ZBTB46: variants seen among roughly 807,000 people sequenced by gnomAD.
ZBTB46 encodes zinc finger and BTB domain containing 46, also known as zinc finger and BTB domain-containing protein 46.
Under a neutral mutation model 44.1 loss-of-function variants are expected in ZBTB46, and 8 were observed. The ratio of observed to expected loss-of-function variants is 0.18; its 90% CI spans 0.11 to 0.33. ZBTB46 has a LOEUF of 0.33. Among genes scored for constraint, ZBTB46 ranks in the 10% least tolerant of loss-of-function variants. The probability of loss-of-function intolerance (pLI) is 1.00; values close to 1 mark genes in which losing one functional copy is unlikely to be tolerated. For missense variants in ZBTB46, 651 were observed against 847.7 expected, an observed-to-expected ratio of 0.77 and a Z score of 2.88; for synonymous variants, 409 against 382.3, an observed-to-expected ratio of 1.07 and a Z score of -0.81.
At chr20:63,776,008 A>C (rs1279545114) in intron 2 of ZBTB46, 46 bp from the exon 3 acceptor site, 5 of 1,498,544 alleles carry the variant, frequency 3.3e-6, no homozygotes, top group Middle Eastern at 1.8e-4. Flanking sequence ...TCGTTCCCAG[A>C]CTCTCCAAGT....
intron 1 of ZBTB46, among the ~76,000 whole-genome samples, chr20:63,821,843 C>T (rs1426418447): frequency 6.6e-6 from 1 of 152,146 alleles, no homozygotes; most frequent in Non-Finnish European, 1.5e-5. Context: ...AAAAAAACAA[C>T]AGCCACTGTT....
chr20:63,755,186 T>C (rs2092208532), intron 3 of ZBTB46, among the ~76,000 whole-genome samples: 1 of 152,222 alleles, frequency 6.6e-6, no homozygotes, highest in Non-Finnish European at 1.5e-5. Flanking sequence ...TGAAGCTGCC[T>C]GCGATGCACT....
chr20:63,786,246 G>A (rs1044951298), intron 2 of ZBTB46, among the ~76,000 whole-genome samples: 3 of 152,198 alleles, frequency 2.0e-5, no homozygotes, highest in Non-Finnish European at 2.9e-5. Flanking sequence ...AGATGGAAAG[G>A]CCACTGGCCC....
intron 3 of ZBTB46, among the ~76,000 whole-genome samples, chr20:63,761,580 G>A (rs912833124): frequency 9.2e-5 from 14 of 151,912 alleles, no homozygotes; most frequent in Non-Finnish European, 1.6e-4. Flanking sequence ...TCAGGAGTTC[G>A]AGACCAGCCT....
chr20:63,798,211 A>C (rs545779978), intron 1 of ZBTB46, among the ~76,000 whole-genome samples: 69 of 152,226 alleles, frequency 4.5e-4, no homozygotes, highest in African/African-American at 1.6e-3. Flanking sequence ...AGCTTTCTCC[A>C]TATGGCTAGC....
At chr20:63,770,402 G>A (rs2092358789) in intron 3 of ZBTB46, among the ~76,000 whole-genome samples, 1 of 152,198 alleles carries the variant, frequency 6.6e-6, no homozygotes, top group African/African-American at 2.4e-5. Flanking sequence ...TAAGCACGAA[G>A]TTCAACAGAA....
At chr20:63,820,894 A>G (rs1255438537) in intron 1 of ZBTB46, among the ~76,000 whole-genome samples, 3 of 136,196 alleles carry the variant, frequency 2.2e-5, no homozygotes, top group Non-Finnish European at 4.7e-5. Flanking sequence ...ATGCATGGCT[A>G]ATTTTTTTTT....
rs1279098300 is a variant in ZBTB46, at chr20:63,790,413, C to T, written c.345G>A (p.Thr115=). The change falls in exon 2 of 5, where the codon ACG becomes ACA. Residue 115 remains threonine, a synonymous_variant. Coordinates refer to ENST00000245663, the MANE Select transcript of ZBTB46 (RefSeq NM_001369741.1). The part of the protein sequence containing the change: ...VMSAASFLQM[T]DIVQACHDFI... ...AGTCGTGGCAGGCTTGCACGATGTC[C>T]GTCATCTGCAGGAAGCTGGCGGCTG... The T allele has an allele frequency of 7.4e-6, 12 of 1,613,038 alleles. No individual in the cohort carries two copies. The highest frequency in any genetic ancestry group is 2.2e-5 in the East Asian group (1 of 44,870).
chr20:63,812,132 A>C (rs1432493236), intron 1 of ZBTB46, among the ~76,000 whole-genome samples: 1 of 152,250 alleles, frequency 6.6e-6, no homozygotes, highest in African/African-American at 2.4e-5. Context: ...CTACATAAAA[A>C]AAAGAGAAGC....
chr20:63,829,038 A>G (rs1226408301), intron 1 of ZBTB46, among the ~76,000 whole-genome samples: 1 of 152,246 alleles, frequency 6.6e-6, no homozygotes, highest in African/African-American at 2.4e-5. Flanking sequence ...TGTAAATAGT[A>G]CATCGTCTGA....
At chr20:63,805,456 C>A (rs1400506336) in intron 1 of ZBTB46, among the ~76,000 whole-genome samples, 1 of 151,948 alleles carries the variant, frequency 6.6e-6, no homozygotes, top group Non-Finnish European at 1.5e-5. Context: ...CAGAGCAAGA[C>A]CCCCATCTCT....
intron 4 of ZBTB46, among the ~76,000 whole-genome samples, chr20:63,751,447 T>C (rs898711048): frequency 6.6e-6 from 1 of 152,102 alleles, no homozygotes; most frequent in African/African-American, 2.4e-5. Flanking sequence ...GGAGTGGCCC[T>C]TCGCCCACAG....
At chr20:63,795,164 C>T (rs2092591685) in intron 1 of ZBTB46, among the ~76,000 whole-genome samples, 1 of 152,246 alleles carries the variant, frequency 6.6e-6, no homozygotes, top group South Asian at 2.1e-4. Flanking sequence ...TTCTTGGTAT[C>T]TGCTTTACTT....
chr20:63,831,299 C>CG, upstream of ZBTB46: 1 of 110,762 alleles, frequency 9.0e-6, no homozygotes, highest in Non-Finnish European at 1.9e-5. Flanking sequence ...CGGCCCCCGC[C>CG]GCCCGCGCGC....
rs1267337699 is a variant in ZBTB46, at chr20:63,762,525, G to A, written c.1223-9664C>T. Reference sequence around the variant, plus strand: ...AAAAAATGAGCCAGGGTGGTGGCACGCGCCTGTACTGCCAGCTACTTGGGA... The same window carrying A: ...AAAAAATGAGCCAGGGTGGTGGCACACGCCTGTACTGCCAGCTACTTGGGA... On this transcript the variant is annotated intron_variant, in intron 3 of 4. Coordinates refer to ENST00000245663, the MANE Select transcript of ZBTB46 (RefSeq NM_001369741.1). Among the ~76,000 whole-genome samples the A allele has an allele frequency of 2.6e-5, 4 of 152,012 alleles. No homozygotes were observed. The East Asian group carries it at 5.8e-4, about 22-fold the overall frequency.
intron 4 of ZBTB46, among the ~76,000 whole-genome samples, chr20:63,749,538 G>T (rs113280105): frequency 2.6e-5 from 4 of 152,044 alleles, no homozygotes; most frequent in Admixed American, 6.6e-5. Context: ...GGGTTTCACC[G>T]TGTTAGCCAG....
At chr20:63,806,253 A>G (rs2092680508) in intron 1 of ZBTB46, among the ~76,000 whole-genome samples, 1 of 151,172 alleles carries the variant, frequency 6.6e-6, no homozygotes, top group Non-Finnish European at 1.5e-5. Context: ...AGTTAAAAAA[A>G]AAAATTAGCC....
chr20:63,765,601 A>C (rs901461436), intron 3 of ZBTB46, among the ~76,000 whole-genome samples: 2 of 152,042 alleles, frequency 1.3e-5, no homozygotes, highest in Non-Finnish European at 2.9e-5. Flanking sequence ...GCTAATTTTA[A>C]ACTTTTTCTG....
chr20:63,806,462 A>C (rs1048269574), intron 1 of ZBTB46, among the ~76,000 whole-genome samples: 1 of 152,016 alleles, frequency 6.6e-6, no homozygotes, highest in Non-Finnish European at 1.5e-5. Flanking sequence ...AAGGCAAGAA[A>C]ACTATTTGTG....
Sources: gnomAD v4.1 joint callset for allele counts (sites outside exome capture counted in the v4.1 genomes callset) on GRCh38, gnomAD v4.1.1 for gene constraint, MANE v1.5 for transcripts, NCBI Gene and HGNC (gene_info 2026-07-23, HGNC 2026-07-21) for gene names.